The following ALG6 variants were observed in gnomAD, a reference collection of about 807,000 sequenced individuals.
ALG6 encodes ALG6 alpha-1,3-glucosyltransferase, also known as dolichyl pyrophosphate Man9GlcNAc2 alpha-1,3-glucosyltransferase.
A neutral mutation model predicts 66.6 loss-of-function variants in ALG6; 46 were observed. That is an observed-to-expected ratio of 0.69 (90% CI 0.55 to 0.88). The LOEUF is 0.88. Ranked by LOEUF, ALG6 falls within the 40% of genes least tolerant of loss-of-function variation. The pLI is 0.00. For synonymous variants in ALG6, 185 were observed against 203.7 expected (o/e 0.91, Z 0.78); for missense variants, 505 against 586.8 (o/e 0.86, Z 1.44).
chr1:63,433,748 G>A lies in ALG6; in HGVS notation c.1327-3075G>A, dbSNP rs928108551. Among the ~76,000 whole-genome samples, 1 of 152,132 alleles carries A rather than the reference G, an allele frequency of 6.6e-6. No individual in the cohort carries two copies. Among genetic ancestry groups the A allele is most frequent in the African/African-American group, 2.4e-5 (1 of 41,426 alleles). ...GCATTGTTCTGGAGGCTGAGGATAC[G>A]GTAGTGACCAAAACTAACAGAAATC... On this transcript the variant is annotated intron_variant, in intron 14 of 14. Transcript: ENST00000263440. This position sits in a 1 kb window ranked among gnomAD's most constrained non-coding sequence, Gnocchi z 4.2.
rs187223120 is a variant in ALG6 at position 63,400,240 on chromosome 1, T to C, written c.168-2014T>C. On this transcript the variant is annotated intron_variant, in intron 3 of 14. Transcript: ENST00000263440. ...ATATATACGTATATATATATATATATATACGTATATATATGTATATATATA... is the reference window on the plus strand; with the variant it reads ...ATATATACGTATATATATATATATACATACGTATATATATGTATATATATA... Among the ~76,000 whole-genome samples, 72 of 14,394 alleles carry C rather than the reference T, an allele frequency of 5.0e-3. 14 individuals are homozygous for C. Among genetic ancestry groups the C allele is most frequent in the South Asian group, 0.046 (10 of 216 alleles). The allele number at this position is 14,394 out of a possible 152,430, so 9.4% of individuals were successfully genotyped here. A position where few individuals can be genotyped will look rare whatever the true frequency, so the allele number is the denominator to read the frequency against.
intron 12 of ALG6, among the ~76,000 whole-genome samples, chr1:63,422,102 A>AATATATAAATAAAT (rs1644577526): frequency 1.0e-5 from 1 of 98,024 alleles, no homozygotes; most frequent in African/African-American, 3.8e-5. Context: ...TAAATATATA[A>AATATATAAATAAAT]ATATAAATAT....
intron 12 of ALG6, among the ~76,000 whole-genome samples, chr1:63,423,348 A>G (rs1644598316): frequency 6.6e-6 from 1 of 152,188 alleles, no homozygotes; most frequent in Non-Finnish European, 1.5e-5. Flanking sequence ...TAAAAGAAAT[A>G]TTTAAAATTA....
intron 2 of ALG6, among the ~76,000 whole-genome samples, chr1:63,390,966 C>T (rs1043173206): frequency 6.6e-6 from 1 of 152,184 alleles, no homozygotes; most frequent in African/African-American, 2.4e-5. Context: ...ACTGTGATTG[C>T]TCAACTGATT....
At chr1:63,403,345 A>T (rs1435554040) in intron 4 of ALG6, among the ~76,000 whole-genome samples, 1 of 152,164 alleles carries the variant, frequency 6.6e-6, no homozygotes, top group Non-Finnish European at 1.5e-5. Flanking sequence ...TCAAGTTAGA[A>T]ACTAGAATAA....
intron 1 of ALG6, among the ~76,000 whole-genome samples, chr1:63,368,112 G>A (rs1303200168): frequency 6.6e-6 from 1 of 152,178 alleles, no homozygotes; most frequent in Non-Finnish European, 1.5e-5. Flanking sequence ...CTTGGCATTT[G>A]TCGAGATGCA....
intron 2 of ALG6, among the ~76,000 whole-genome samples, chr1:63,375,113 A>ATTGCTTGAACCCGGGAGGCGGAGG (rs1553153593): frequency 6.6e-6 from 1 of 151,940 alleles, no homozygotes; most frequent in Non-Finnish European, 1.5e-5. Flanking sequence ...AGGTGGGTGG[A>ATTGCTTGAACCCGGGAGGCGGAGG]TTGCTTGAAC....
At chr1:63,386,221 T>G (rs1196000403) in intron 2 of ALG6, among the ~76,000 whole-genome samples, 1 of 152,222 alleles carries the variant, frequency 6.6e-6, no homozygotes, top group Non-Finnish European at 1.5e-5. Context: ...TTTGCTAGTA[T>G]TTTGTTGTGG....
At chr1:63,373,726 T>A (rs1172931598) in intron 2 of ALG6, among the ~76,000 whole-genome samples, 5 of 149,516 alleles carry the variant, frequency 3.3e-5, no homozygotes, top group Non-Finnish European at 5.9e-5. Context: ...AGTGGCATGA[T>A]CTTGGCTCAC....
At chr1:63,403,987 T>C (rs1240952511) in intron 4 of ALG6, among the ~76,000 whole-genome samples, 2 of 152,206 alleles carry the variant, frequency 1.3e-5, no homozygotes, top group African/African-American at 2.4e-5. Flanking sequence ...TCAGGGTAAT[T>C]GTAATATGGT....
At chr1:63,373,585 ACT>A (rs957545955) in intron 2 of ALG6, among the ~76,000 whole-genome samples, 3 of 148,634 alleles carry the variant, frequency 2.0e-5, no homozygotes, top group African/African-American at 7.5e-5. Context: ...ACAGAGCAAG[ACT>A]CTGCCTCAAA....
Position 63,429,113 on chromosome 1 carries a change from T to G in ALG6, c.1313T>G (p.Ile438Ser). The change falls in exon 14 of 15, where the codon ATT (isoleucine) becomes AGT (serine). Residue 438 changes from isoleucine (I) to serine (S), a missense_variant. By Grantham distance (142) the Ile-to-Ser change is moderately radical (BLOSUM62 -2). Coordinates refer to ENST00000263440, the MANE Select transcript of ALG6 (RefSeq NM_013339.4). Reference sequence around the variant, plus strand: ...CCATGTTTTACATTTCTTTCCAGAATTATACAATATTTGGTAAGTTCAATT... The same window carrying G: ...CCATGTTTTACATTTCTTTCCAGAAGTATACAATATTTGGTAAGTTCAATT... ...YLPCFTFLSR[I>S]IQYLFLISVI... is the part of the protein sequence containing the mutation. The G allele has an allele frequency of 6.3e-7, 1 of 1,596,720 alleles. No individual in the cohort carries two copies. Among genetic ancestry groups the G allele is most frequent in the Non-Finnish European group, 8.6e-7 (1 of 1,169,366 alleles).
chr1:63,418,852 A>C (rs1486289312), intron 11 of ALG6, among the ~76,000 whole-genome samples: 1 of 152,228 alleles, frequency 6.6e-6, no homozygotes, highest in Non-Finnish European at 1.5e-5. Context: ...TGCTTGAGCA[A>C]CTGGATAGTT....
chr1:63,400,307 G>A (rs12404299), intron 3 of ALG6, among the ~76,000 whole-genome samples: 104 of 7,564 alleles, frequency 0.014, 29 homozygotes, highest in African/African-American at 0.13. Flanking sequence ...GTATATATAT[G>A]TATATATATA....
At chr1:63,399,408 A>G (rs1480291910) in intron 3 of ALG6, among the ~76,000 whole-genome samples, 1 of 152,192 alleles carries the variant, frequency 6.6e-6, no homozygotes, top group Non-Finnish European at 1.5e-5. Context: ...GATTGTATGC[A>G]CGCAGGAGTC....
intron 2 of ALG6, among the ~76,000 whole-genome samples, chr1:63,383,659 TTTA>T (rs2100392224): frequency 6.6e-6 from 1 of 152,202 alleles, no homozygotes; most frequent in East Asian, 1.9e-4. Context: ...ACCTCAAGCA[TTTA>T]TTCTTTGTAT....
rs147124543 is a variant in ALG6, at chr1:63,437,290, T to C, written c.*270T>C. 2.6e-6 allele frequency: 1 copy of C among 389,560 alleles called. No homozygotes were observed. The highest frequency in any genetic ancestry group is 2.1e-5 in the African/African-American group (1 of 48,604). 24.1% of individuals were successfully genotyped at this position (389,560 alleles called of 1,614,324 possible). On this transcript the variant is annotated 3_prime_UTR_variant, in exon 15 of 15. Transcript: ENST00000263440. ...TTCAAGTGGGGAAAAAAGAGAAACA[T>C]GTCCTTAATCCCATTGTTTACTCAG...
At chr1:63,426,170 A>T (rs912380011) in intron 12 of ALG6, among the ~76,000 whole-genome samples, 4 of 152,148 alleles carry the variant, frequency 2.6e-5, no homozygotes, top group Non-Finnish European at 5.9e-5. Context: ...GTTGGTCAGT[A>T]TTTACAAGAT....
rs775668338 is a variant in ALG6 at position 63,436,944 on chromosome 1, T to C, written c.1448T>C (p.Leu483Pro). The C allele has an allele frequency of 6.2e-7, 1 of 1,613,854 alleles. No individual in the cohort carries two copies. The highest frequency in any genetic ancestry group is 8.5e-7 in the Non-Finnish European group (1 of 1,179,776). ...TGTTTTGTATCTTGCTTGAACTTCC[T>C]GTTCTTCTTGGTATACTTTAACATT... ...LVCFVSCLNF[L>P]FFLVYFNIII... Residue 483 changes from leucine to proline, a missense_variant, in exon 15 of 15, where the codon CTG becomes CCG. Coordinates refer to ENST00000263440, the MANE Select transcript of ALG6 (RefSeq NM_013339.4).
Sources: gnomAD v4.1 joint callset for allele counts (sites outside exome capture counted in the v4.1 genomes callset) on GRCh38, gnomAD v4.1.1 for gene constraint, Gnocchi (gnomAD v3.1) non-coding constraint, MANE v1.5 for transcripts, NCBI Gene and HGNC (gene_info 2026-07-23, HGNC 2026-07-21) for gene names.